Variants in APBB2 observed in about 807,000 individuals in gnomAD.
APBB2 encodes amyloid beta precursor protein binding family B member 2.
APBB2 carries 38 observed loss-of-function variants against 82.5 expected under a neutral mutation model. The observed-to-expected ratio is 0.46, with a 90% CI of 0.36 to 0.60. APBB2 has a LOEUF of 0.60. APBB2 is among the 20% of genes least tolerant of loss of function. The pLI, the probability that APBB2 is intolerant of heterozygous loss-of-function variation, is 0.00. For missense variants in APBB2, 772 were observed against 972.3 expected, an observed-to-expected ratio of 0.79 and a Z score of 2.74; for synonymous variants, 341 against 368.2, an observed-to-expected ratio of 0.93 and a Z score of 0.85.
chr4:40,827,059 C>A lies in APBB2; in HGVS notation c.1732+73G>T, dbSNP rs1198508880. On this transcript the variant is annotated intron_variant, in intron 14 of 17. Transcript: ENST00000508593. The stretch of plus-strand genomic sequence containing the variant: ...TAAGGAGACTTGAAATACCAGAGAA[C>A]CATCTGAGAGCCTTCAGTCCTGGAC... 3.1e-5 allele frequency: 42 copies of A among 1,363,274 alleles called. 1 individual carries two copies. Among genetic ancestry groups the A allele is most frequent in the Non-Finnish European group, 2.4e-5 (23 of 965,808 alleles). The allele number at this position is 1,363,274 out of a possible 1,614,324, so 84.4% of individuals were successfully genotyped here.
intron 6 of APBB2, among the ~76,000 whole-genome samples, chr4:40,999,213 G>A (rs1314102032): frequency 6.6e-6 from 1 of 152,190 alleles, no homozygotes; most frequent in Non-Finnish European, 1.5e-5. Context: ...GGCTGAGACA[G>A]GAGGATTGCT....
In APBB2 at chr4:40,852,023, A is replaced by G. The variant is rs145885064; in HGVS notation, c.1530-21446T>C. Among the ~76,000 whole-genome samples, 607 of 152,232 alleles carry G rather than the reference A, an allele frequency of 4.0e-3. 3 individuals carry two copies. Among genetic ancestry groups the G allele is most frequent in the African/African-American group, 0.014 (570 of 41,536 alleles). On this transcript the variant is annotated intron_variant, in intron 12 of 17. Transcript: ENST00000508593. ...ATTTTATATTTATGAGAGAGTATCA[A>G]TTGTTGGAACTACAGAGGATGCTGC...
chr4:41,017,244 T>C (rs1810250820), intron 5 of APBB2, among the ~76,000 whole-genome samples: 1 of 152,146 alleles, frequency 6.6e-6, no homozygotes, highest in Non-Finnish European at 1.5e-5. Context: ...GTTTGAGTAA[T>C]ATCTTAGACA....
intron 12 of APBB2, among the ~76,000 whole-genome samples, chr4:40,869,120 C>G (rs1195533079): frequency 1.3e-5 from 2 of 152,154 alleles, no homozygotes; most frequent in Non-Finnish European, 2.9e-5. Flanking sequence ...TCTCCACCTC[C>G]CGGGTTCAAG....
intron 10 of APBB2, among the ~76,000 whole-genome samples, chr4:40,927,861 G>GTTAC (rs1783027332): frequency 6.6e-6 from 1 of 152,190 alleles, no homozygotes; most frequent in Admixed American, 6.5e-5. Context: ...TCTGAGCGGA[G>GTTAC]TTACACAAAG....
intron 12 of APBB2, among the ~76,000 whole-genome samples, chr4:40,841,328 T>A (rs750723590): frequency 6.6e-4 from 101 of 152,276 alleles, no homozygotes; most frequent in Non-Finnish European, 1.2e-3. Flanking sequence ...GGAACCACCA[T>A]CATTCATTCA....
Position 41,059,518 on chromosome 4 carries a change from G to C in APBB2, c.-51+6058C>G, listed in dbSNP as rs146464094. 2.0e-5 allele frequency among the ~76,000 whole-genome samples: 3 copies of C among 152,378 alleles called. 1 individual carries two copies. The highest frequency in any genetic ancestry group is 4.8e-5 in the African/African-American group (2 of 41,584). On this transcript the variant is annotated intron_variant, in intron 4 of 17. Coordinates refer to ENST00000508593, the MANE Select transcript of APBB2 (RefSeq NM_004307.2). ...CCAAGCTGGAAGGTTGTGGGTTTAC[G>C]CGAATGAGGGCAAGGAACACCTGGC...
chr4:41,123,540 T>A (rs912423467), intron 2 of APBB2, among the ~76,000 whole-genome samples: 1 of 152,124 alleles, frequency 6.6e-6, no homozygotes, highest in Non-Finnish European at 1.5e-5. Context: ...TGATCAAATG[T>A]AAATTCAGAG....
chr4:40,879,536 A>G (rs1168959641), intron 12 of APBB2, among the ~76,000 whole-genome samples: 1 of 152,016 alleles, frequency 6.6e-6, no homozygotes, highest in Non-Finnish European at 1.5e-5. Flanking sequence ...GCTCTAGGGA[A>G]CTCTATGAAG....
chr4:40,952,454 T>G (rs1173426620), intron 6 of APBB2, among the ~76,000 whole-genome samples: 1 of 152,160 alleles, frequency 6.6e-6, no homozygotes, highest in Non-Finnish European at 1.5e-5. Context: ...AGCAAAAATA[T>G]TTCATAATTT....
At chr4:40,975,793 A>C (rs1252600158) in intron 6 of APBB2, among the ~76,000 whole-genome samples, 2 of 101,694 alleles carry the variant, frequency 2.0e-5, no homozygotes, top group African/African-American at 3.5e-5. Flanking sequence ...CACACACAAC[A>C]ACCACTCTAC....
At chr4:40,903,750 T>C (rs1775960659) in intron 10 of APBB2, among the ~76,000 whole-genome samples, 1 of 152,158 alleles carries the variant, frequency 6.6e-6, no homozygotes, top group Admixed American at 6.5e-5. Context: ...CTGCAGGATA[T>C]GGGATTCCAG....
intron 12 of APBB2, among the ~76,000 whole-genome samples, chr4:40,834,735 G>A (rs1017180514): frequency 6.6e-6 from 1 of 152,182 alleles, no homozygotes; most frequent in African/African-American, 2.4e-5. Context: ...AGGGGCCAAG[G>A]AATGCAGGCA....
At chr4:40,975,753 AACACACACACACAC>A (rs368424451) in intron 6 of APBB2, among the ~76,000 whole-genome samples, 1 of 142,012 alleles carries the variant, frequency 7.0e-6, no homozygotes, top group Non-Finnish European at 1.5e-5. Context: ...GTAGTAAGAA[AACACACACACACAC>A]ACACACACAC....
intron 12 of APBB2, among the ~76,000 whole-genome samples, chr4:40,841,270 C>T (rs1024545681): frequency 6.6e-5 from 10 of 152,174 alleles, no homozygotes; most frequent in Admixed American, 3.3e-4. Context: ...ACACCAACTC[C>T]GACACAAAGA....
chr4:40,823,584 C>T (rs191377879), intron 16 of APBB2, 60 bp downstream of exon 16: 1 of 1,220,510 alleles, frequency 8.2e-7, no homozygotes, highest in Admixed American at 1.7e-5. Context: ...CCACAGAAAA[C>T]CACTGTATCT....
chr4:41,172,948 C>G (rs916125161), intron 1 of APBB2, among the ~76,000 whole-genome samples: 5 of 152,196 alleles, frequency 3.3e-5, no homozygotes, highest in Non-Finnish European at 5.9e-5. Context: ...AAAATTAACA[C>G]ACTACACTTT....
At chr4:41,075,070 C>T (rs1161779294) in intron 3 of APBB2, among the ~76,000 whole-genome samples, 1 of 152,100 alleles carries the variant, frequency 6.6e-6, no homozygotes, top group Non-Finnish European at 1.5e-5. Context: ...GAGGGCGATG[C>T]TGCAATGAGT....
At chr4:40,885,545 C>T (rs928729415) in intron 12 of APBB2, among the ~76,000 whole-genome samples, 2 of 152,232 alleles carry the variant, frequency 1.3e-5, no homozygotes, top group African/African-American at 4.8e-5. Flanking sequence ...CTCACTTTCA[C>T]TGTTCTTCGT....
Sources: allele counts gnomAD v4.1 joint callset (sites outside exome capture counted in the v4.1 genomes callset), GRCh38; gene constraint gnomAD v4.1.1; transcripts MANE v1.5; gene names NCBI Gene and HGNC (gene_info 2026-07-23, HGNC 2026-07-21).